PGGT1B: variants seen among roughly 807,000 people sequenced by gnomAD.
The protein encoded by PGGT1B is protein geranylgeranyltransferase type I subunit beta, also known as geranylgeranyl transferase type-1 subunit beta.
A neutral mutation model predicts 46.1 loss-of-function variants in PGGT1B; 30 were observed. That is an observed-to-expected ratio of 0.65 (90% CI 0.49 to 0.88). The LOEUF (loss-of-function observed/expected upper bound fraction) is 0.88. PGGT1B is among the 40% of genes least tolerant of loss of function. PGGT1B has a pLI of 0.00. For missense variants in PGGT1B, 376 were observed against 455.9 expected (o/e 0.82, Z 1.60); for synonymous variants, 170 against 160.0 (o/e 1.06, Z -0.47).
rs1425304052 is a variant in PGGT1B at position 115,207,503 on chromosome 5, A to G, written c.*4899T>C. Reference sequence around the variant, plus strand: ...AATTTTGACAGCACTTACCTTTGGGAAGAGAGGTAGTGACTGAAAGAGGGT... The same window carrying G: ...AATTTTGACAGCACTTACCTTTGGGGAGAGAGGTAGTGACTGAAAGAGGGT... On this transcript the variant is annotated 3_prime_UTR_variant, in exon 9 of 9. Coordinates refer to ENST00000419445, the MANE Select transcript of PGGT1B (RefSeq NM_005023.4). The G allele has an allele frequency of 6.6e-6, 1 of 151,968 alleles. No homozygotes were observed. Among genetic ancestry groups the G allele is most frequent in the Non-Finnish European group, 1.5e-5 (1 of 67,922 alleles). 9.4% of individuals were successfully genotyped at this position (151,968 alleles called of 1,614,324 possible). A position where few individuals can be genotyped will look rare whatever the true frequency, so the allele number is the denominator to read the frequency against.
intron 1 of PGGT1B, among the ~76,000 whole-genome samples, chr5:115,253,911 T>A (rs747828373): frequency 6.6e-6 from 1 of 151,982 alleles, no homozygotes; most frequent in Non-Finnish European, 1.5e-5. Flanking sequence ...CATATAAAAA[T>A]CAGTATCTTA....
At chr5:115,246,823 TAG>T (rs1747869007) in intron 2 of PGGT1B, among the ~76,000 whole-genome samples, 1 of 152,316 alleles carries the variant, frequency 6.6e-6, no homozygotes, top group Admixed American at 6.5e-5. Flanking sequence ...TGTAGAACTA[TAG>T]AGTCAAACTT....
At chr5:115,255,335 A>G (rs1477784183) in intron 1 of PGGT1B, among the ~76,000 whole-genome samples, 1 of 152,198 alleles carries the variant, frequency 6.6e-6, no homozygotes, top group Non-Finnish European at 1.5e-5. Flanking sequence ...TAATAGCAAC[A>G]AAGTGTGAAA....
intron 2 of PGGT1B, among the ~76,000 whole-genome samples, chr5:115,252,588 G>A (rs576902926): frequency 6.6e-6 from 1 of 152,010 alleles, no homozygotes; most frequent in African/African-American, 2.4e-5. Flanking sequence ...TTGTATATTT[G>A]CAGTTGATTA....
rs1179696202 is a variant in PGGT1B at position 115,210,024 on chromosome 5, T to C, written c.*2378A>G. On this transcript the variant is annotated 3_prime_UTR_variant, in exon 9 of 9. Coordinates refer to ENST00000419445, the MANE Select transcript of PGGT1B (RefSeq NM_005023.4). Reference sequence around the variant, plus strand: ...TATATACCACTGTCAGCAAGATTTCTATATGAATTTAGATTAAATATAAAT... The same window carrying C: ...TATATACCACTGTCAGCAAGATTTCCATATGAATTTAGATTAAATATAAAT... The C allele has an allele frequency of 2.6e-5, 4 of 152,128 alleles. No individual in the cohort carries two copies. The highest frequency in any genetic ancestry group is 9.7e-5 in the African/African-American group (4 of 41,448). 9.4% of individuals were successfully genotyped at this position (152,128 alleles called of 1,614,324 possible).
Position 115,222,046 on chromosome 5 carries a change from T to G in PGGT1B, c.659-38A>C, listed in dbSNP as rs1580748799. The G allele has an allele frequency of 2.4e-6, 3 of 1,251,030 alleles. No homozygotes were observed. In the African/African-American group the frequency reaches 4.6e-5, roughly 19 times the overall value. The allele number at this position is 1,251,030 out of a possible 1,614,324, so 77.5% of individuals were successfully genotyped here. ...ACCACACAACGTTTTAAACTTCAAATTAGATGCTTATGAAAATAGTACAAA... is the reference window on the plus strand; with the variant it reads ...ACCACACAACGTTTTAAACTTCAAAGTAGATGCTTATGAAAATAGTACAAA... On this transcript the variant is annotated intron_variant, in intron 6 of 8. Coordinates refer to ENST00000419445, the MANE Select transcript of PGGT1B (RefSeq NM_005023.4).
intron 6 of PGGT1B, among the ~76,000 whole-genome samples, chr5:115,224,100 A>G (rs969655950): frequency 9.0e-6 from 1 of 111,018 alleles, no homozygotes; most frequent in Non-Finnish European, 1.8e-5. Flanking sequence ...GTCTTGAGTG[A>G]ATCAAAAGAA....
intron 2 of PGGT1B, among the ~76,000 whole-genome samples, chr5:115,250,354 A>C (rs548802477): frequency 1.3e-3 from 192 of 152,342 alleles, no homozygotes; most frequent in Non-Finnish European, 2.2e-3. Context: ...TAAAAGAGGA[A>C]GAGAAAAAAG....
chr5:115,260,139 C>T (rs1329296377), intron 1 of PGGT1B, among the ~76,000 whole-genome samples: 1 of 152,172 alleles, frequency 6.6e-6, no homozygotes, highest in Non-Finnish European at 1.5e-5. Context: ...GCAGACAATA[C>T]ACTCTTTATT....
At chr5:115,247,686 T>G (rs1047707466) in intron 2 of PGGT1B, among the ~76,000 whole-genome samples, 2 of 151,946 alleles carry the variant, frequency 1.3e-5, no homozygotes, top group African/African-American at 4.8e-5. Flanking sequence ...AAAAAAAAAA[T>G]TTTAAATATA....
At chr5:115,262,531 C>G in intron 1 of PGGT1B, 181 bp downstream of exon 1, 1 of 667,022 alleles carries the variant, frequency 1.5e-6, no homozygotes, top group Non-Finnish European at 2.6e-6. Flanking sequence ...TACAGCCTTC[C>G]AGACCTTCCC....
At chr5:115,225,594 A>G (rs1290647640) in intron 6 of PGGT1B, among the ~76,000 whole-genome samples, 1 of 152,192 alleles carries the variant, frequency 6.6e-6, no homozygotes, top group African/African-American at 2.4e-5. Context: ...ATAAATAGGT[A>G]CATAAATAAG....
intron 3 of PGGT1B, among the ~76,000 whole-genome samples, chr5:115,239,314 G>A (rs1245341770): frequency 1.3e-5 from 2 of 152,262 alleles, no homozygotes; most frequent in East Asian, 1.9e-4. Flanking sequence ...AAAGTGCTGG[G>A]ATTGCAGGTG....
chr5:115,254,185 A>C (rs1279309156), intron 1 of PGGT1B, among the ~76,000 whole-genome samples: 1 of 151,990 alleles, frequency 6.6e-6, no homozygotes, highest in African/African-American at 2.4e-5. Flanking sequence ...TATGTAATAA[A>C]TTTACTTCTC....
At chr5:115,224,505 G>C (rs1047584103) in intron 6 of PGGT1B, among the ~76,000 whole-genome samples, 2 of 152,150 alleles carry the variant, frequency 1.3e-5, no homozygotes, top group Non-Finnish European at 2.9e-5. Flanking sequence ...CAACAGGTAA[G>C]CCTGTTGCTC....
chr5:115,231,788 T>C (rs1306064238), intron 5 of PGGT1B: 3 of 152,078 alleles, frequency 2.0e-5, no homozygotes, highest in Non-Finnish European at 4.4e-5. Context: ...TATGCACACA[T>C]TCCAGTTGCC....
intron 1 of PGGT1B, among the ~76,000 whole-genome samples, chr5:115,260,537 G>C (rs1036374440): frequency 6.6e-6 from 1 of 152,072 alleles, no homozygotes; most frequent in Admixed American, 6.5e-5. Flanking sequence ...GCATTTTAAA[G>C]TCAGTTATGA....
chr5:115,250,504 G>C (rs1183926280), intron 2 of PGGT1B, among the ~76,000 whole-genome samples: 1 of 152,118 alleles, frequency 6.6e-6, no homozygotes, highest in Admixed American at 6.5e-5. Context: ...AATATTTTAA[G>C]TAACTTAAGC....
In PGGT1B at chr5:115,241,598, G is replaced by T; in HGVS notation, c.268C>A (p.Leu90Ile). 1.9e-6 allele frequency: 3 copies of T among 1,606,510 alleles called. No homozygotes were observed. The highest frequency in any genetic ancestry group is 2.6e-6 in the Non-Finnish European group (3 of 1,175,628). ...QVLPTEDRSN[L>I]NRCGFRGSSY... is the part of the protein sequence containing the mutation. Reference sequence around the variant, plus strand: ...GAGCCTCGGAAACCACAGCGATTTAGATTTGATCCTAGAAAATAAAAGCAT... The same window carrying T: ...GAGCCTCGGAAACCACAGCGATTTATATTTGATCCTAGAAAATAAAAGCAT... Residue 90 changes from leucine to isoleucine, a missense_variant, in exon 3 of 9, where the codon CTA becomes ATA. Around this residue, in one of 2 missense-constraint regions of PGGT1B, gnomAD observed 154 missense variants for 142.3 expected, o/e 1.08. Coordinates refer to ENST00000419445, the MANE Select transcript of PGGT1B (RefSeq NM_005023.4).
Sources: gnomAD v4.1 joint callset for allele counts (sites outside exome capture counted in the v4.1 genomes callset) on GRCh38, gnomAD v4.1.1 for gene constraint, gnomAD v4.1.1 regional missense constraint, MANE v1.5 for transcripts, NCBI Gene and HGNC (gene_info 2026-07-23, HGNC 2026-07-21) for gene names.